TUBGCP3: variants seen among roughly 807,000 people sequenced by gnomAD.
TUBGCP3 encodes the protein gamma-tubulin complex component 3.
TUBGCP3 carries 50 observed loss-of-function variants against 123.1 expected under a neutral mutation model. That is an observed-to-expected ratio of 0.41 (90% confidence interval 0.32 to 0.51). The LOEUF (loss-of-function observed/expected upper bound fraction) is 0.51, where lower values mean the gene tolerates loss of function less well. TUBGCP3 is among the 20% of genes least tolerant of loss of function. The pLI, the probability that TUBGCP3 is intolerant of heterozygous loss-of-function variation, is 0.36. For synonymous variants in TUBGCP3, 405 were observed against 413.9 expected, an observed-to-expected ratio of 0.98 and a Z score of 0.26; for missense variants, 882 against 1,127.0, an observed-to-expected ratio of 0.78 and a Z score of 3.11.
intron 21 of TUBGCP3, among the ~76,000 whole-genome samples, chr13:112,486,898 T>C (rs1410854087): frequency 6.6e-6 from 1 of 152,320 alleles, no homozygotes; most frequent in East Asian, 1.9e-4. Context: ...AGGCACTGCG[T>C]CCTCACCAAG....
intron 6 of TUBGCP3, 110 bp downstream of exon 6, chr13:112,555,942 G>C: frequency 7.9e-7 from 1 of 1,258,190 alleles, no homozygotes; most frequent in East Asian, 2.4e-5. Context: ...AGAACAAGAA[G>C]AAACCACTAA....
chr13:112,558,518 T>C (rs941966437), intron 4 of TUBGCP3, 105 bp from the exon 5 acceptor site: 3 of 982,732 alleles, frequency 3.1e-6, no homozygotes, highest in Non-Finnish European at 4.3e-6. Flanking sequence ...TTTCTGTAAC[T>C]GGATTTGGGT....
In TUBGCP3 at chr13:112,545,917, T is replaced by A; in HGVS notation, c.1169-52A>T. The stretch of plus-strand genomic sequence containing the variant: ...AAAACATCCACATTTACACTCATAG[T>A]ACACACCAGTCACTTCTCACCAACC... On this transcript the variant is annotated intron_variant, in intron 10 of 21. Coordinates refer to ENST00000261965, the MANE Select transcript of TUBGCP3 (RefSeq NM_006322.6). The surrounding 1 kb of genome is among the most constrained non-coding windows in gnomAD (Gnocchi z 4.1). 6.3e-7 allele frequency: 1 copy of A among 1,576,976 alleles called. No homozygotes were observed. Among genetic ancestry groups the A allele is most frequent in the Non-Finnish European group, 8.7e-7 (1 of 1,151,424 alleles).
intron 20 of TUBGCP3, among the ~76,000 whole-genome samples, chr13:112,491,621 G>A (rs1234499217): frequency 6.6e-6 from 1 of 152,172 alleles, no homozygotes; most frequent in Non-Finnish European, 1.5e-5. Context: ...TTCTACACCA[G>A]AACTTCCCAA....
At chr13:112,503,462 C>T (rs895304264) in intron 19 of TUBGCP3, among the ~76,000 whole-genome samples, 1 of 152,098 alleles carries the variant, frequency 6.6e-6, no homozygotes, top group Non-Finnish European at 1.5e-5. Flanking sequence ...CTCTGCCACC[C>T]GGGTTGAAGT....
Position 112,518,989 on chromosome 13 carries a change from C to T in TUBGCP3, c.1936G>A (p.Gly646Arg), listed in dbSNP as rs1005904077. 5.0e-6 allele frequency: 8 copies of T among 1,613,396 alleles called. No homozygotes were observed. The highest frequency in any genetic ancestry group is 6.8e-6 in the Non-Finnish European group (8 of 1,179,524). Residue 646 changes from glycine (G) to arginine (R), a missense_variant, in exon 16 of 22, where the codon GGA becomes AGA. Physicochemically the swap from Gly to Arg is moderately radical, Grantham distance 125. Coordinates refer to ENST00000261965, the MANE Select transcript of TUBGCP3 (RefSeq NM_006322.6). Reference sequence around the variant, plus strand: ...GATAATCTTACAGTTGCAATTGGTCCGTCAACATGATAATCGAGGCTGAAG... The same window carrying T: ...GATAATCTTACAGTTGCAATTGGTCTGTCAACATGATAATCGAGGCTGAAG... ...DVFSLDYHVD[G>R]PIATVFTREC...
chr13:112,518,970 C>A lies in TUBGCP3; in HGVS notation c.1950+5G>T. The A allele has an allele frequency of 6.2e-7, 1 of 1,610,892 alleles. No individual in the cohort carries two copies. Among genetic ancestry groups the A allele is most frequent in the Admixed American group, 1.7e-5 (1 of 60,018 alleles). ...ATACTATAAAATGATGCAGGATAAT[C>A]TTACAGTTGCAATTGGTCCGTCAAC... On this transcript the variant is annotated splice_donor_5th_base_variant and intron_variant, in intron 16 of 21. Coordinates refer to ENST00000261965, the MANE Select transcript of TUBGCP3 (RefSeq NM_006322.6).
At chr13:112,577,028 T>C (rs1566591776) in intron 1 of TUBGCP3, among the ~76,000 whole-genome samples, 1 of 151,276 alleles carries the variant, frequency 6.6e-6, no homozygotes, top group Non-Finnish European at 1.5e-5. Context: ...GATAAACCTT[T>C]GCCAGACTGA....
At chr13:112,586,683 T>C (rs1389392688) in intron 1 of TUBGCP3, among the ~76,000 whole-genome samples, 1 of 152,182 alleles carries the variant, frequency 6.6e-6, no homozygotes, top group Non-Finnish European at 1.5e-5. Flanking sequence ...ACAGTACTTA[T>C]TGCTAATTAA....
At chr13:112,594,346 C>A in the TUBGCP3 span, among the ~76,000 whole-genome samples, 1 of 152,314 alleles carries the variant, frequency 6.6e-6, no homozygotes, top group South Asian at 2.1e-4. Flanking sequence ...AATGTCATAA[C>A]TCCTCAATAG....
Position 112,565,107 on chromosome 13 carries a change from G to A in TUBGCP3, c.252+4C>T. 6.2e-7 allele frequency: 1 copy of A among 1,613,294 alleles called. No homozygotes were observed. The highest frequency in any genetic ancestry group is 1.1e-5 in the South Asian group (1 of 91,046). On this transcript the variant is annotated splice_donor_region_variant and intron_variant, in intron 3 of 21. Transcript: ENST00000261965. ...GCAATGACCTCCAGAATTCTGCACTGTACCTGTGAATGAAGTTTTCTGTGG... is the reference window on the plus strand; with the variant it reads ...GCAATGACCTCCAGAATTCTGCACTATACCTGTGAATGAAGTTTTCTGTGG...
intron 11 of TUBGCP3, among the ~76,000 whole-genome samples, chr13:112,534,703 A>G (rs1263631770): frequency 6.6e-6 from 1 of 152,198 alleles, no homozygotes; most frequent in African/African-American, 2.4e-5. Context: ...GACCCGGGAA[A>G]GGAGCCACAG....
At chr13:112,516,712 C>G in intron 16 of TUBGCP3, 137 bp from the exon 17 acceptor site, 2 of 1,048,818 alleles carry the variant, frequency 1.9e-6, no homozygotes, top group Non-Finnish European at 2.7e-6. Flanking sequence ...GTCACAGTAA[C>G]AGAAGGCAGG....
In TUBGCP3 at chr13:112,508,432, G is replaced by T. The variant is rs1456940485; in HGVS notation, c.2087-3718C>A. Among the ~76,000 whole-genome samples the T allele has an allele frequency of 1.3e-5, 2 of 152,096 alleles. No homozygotes were observed. The highest frequency in any genetic ancestry group is 1.5e-5 in the Non-Finnish European group (1 of 68,024). Reference sequence around the variant, plus strand: ...CAGATGCCATATGGCAGCCCAGAAGGGGCCTGTTAGTTGAAAAGGTATCGT... The same window carrying T: ...CAGATGCCATATGGCAGCCCAGAAGTGGCCTGTTAGTTGAAAAGGTATCGT... On this transcript the variant is annotated intron_variant, in intron 17 of 21. Coordinates refer to ENST00000261965, the MANE Select transcript of TUBGCP3 (RefSeq NM_006322.6). This position sits in a 1 kb window ranked among gnomAD's most constrained non-coding sequence, Gnocchi z 4.2.
intron 1 of TUBGCP3, among the ~76,000 whole-genome samples, chr13:112,570,271 A>T (rs1316354793): frequency 6.6e-6 from 1 of 152,234 alleles, no homozygotes; most frequent in East Asian, 1.9e-4. Context: ...GATCAGCCCA[A>T]GAGAAAAGAG....
chr13:112,491,604 T>C (rs1357945451), intron 20 of TUBGCP3, among the ~76,000 whole-genome samples: 3 of 150,908 alleles, frequency 2.0e-5, no homozygotes, highest in Non-Finnish European at 4.4e-5. Flanking sequence ...ACTATCTACA[T>C]CACTCGTTCT....
intron 17 of TUBGCP3, among the ~76,000 whole-genome samples, chr13:112,514,857 T>C (rs1384756222): frequency 1.3e-5 from 2 of 152,200 alleles, no homozygotes; most frequent in Non-Finnish European, 2.9e-5. Context: ...CATGGCATTA[T>C]TTATATCGGC....
chr13:112,588,010 G>A lies in TUBGCP3; in HGVS notation c.-30C>T, dbSNP rs777894225. 4.2e-6 allele frequency: 6 copies of A among 1,435,172 alleles called. No homozygotes were observed. In the East Asian group the frequency reaches 1.2e-4, roughly 28 times the overall value. 88.9% of individuals were successfully genotyped at this position (1,435,172 alleles called of 1,614,324 possible). On this transcript the variant is annotated 5_prime_UTR_variant, in exon 1 of 22. Transcript: ENST00000261965. ...GCCCGGAGCCGTGCACGGTGGTCCGGGCAGAGCCGCCACTGCCGCCGCACG... is the reference window on the plus strand; with the variant it reads ...GCCCGGAGCCGTGCACGGTGGTCCGAGCAGAGCCGCCACTGCCGCCGCACG...
At chr13:112,523,996 A>G (rs74134850) in intron 13 of TUBGCP3, among the ~76,000 whole-genome samples, 28,450 of 152,074 alleles carry the variant, frequency 0.19, 2,882 homozygotes, top group African/African-American at 0.25. Flanking sequence ...AGCCATGGAC[A>G]GGACGACGGG....
Sources: allele counts gnomAD v4.1 joint callset (sites outside exome capture counted in the v4.1 genomes callset), GRCh38; gene constraint gnomAD v4.1.1; non-coding constraint Gnocchi (gnomAD v3.1); transcripts MANE v1.5; gene names NCBI Gene and HGNC (gene_info 2026-07-23, HGNC 2026-07-21).